The following RFTN2 variants were observed in gnomAD, a reference collection of about 807,000 sequenced individuals.
RFTN2 encodes the protein raftlin-2.
A neutral mutation model predicts 52.7 loss-of-function variants in RFTN2; 34 were observed. The observed-to-expected ratio is 0.64, with a 90% CI of 0.49 to 0.86. The LOEUF (loss-of-function observed/expected upper bound fraction) is 0.86, where lower values mean the gene tolerates loss of function less well. Ranked by LOEUF, RFTN2 falls within the 40% of genes least tolerant of loss-of-function variation. The pLI is 0.00. For synonymous variants in RFTN2, 203 were observed against 217.7 expected (o/e 0.93, Z 0.59); for missense variants, 536 against 600.1 (o/e 0.89, Z 1.12).
intron 1 of RFTN2, among the ~76,000 whole-genome samples, chr2:197,674,132 AAAATTAAG>A (rs1337286214): frequency 6.6e-6 from 1 of 152,160 alleles, no homozygotes; most frequent in African/African-American, 2.4e-5. Flanking sequence ...AATTTAAAAG[AAAATTAAG>A]AAATTAAGAA....
chr2:197,579,856 A>G lies in RFTN2; in HGVS notation c.1234-7576T>C, dbSNP rs1180661536. On this transcript the variant is annotated intron_variant, in intron 8 of 8. Transcript: ENST00000295049. ...TCCCCAACCCTATAATCCTTCTATC[A>G]CTGCCCCTCCTCACACCTGGTCTGG... 2.6e-5 allele frequency among the ~76,000 whole-genome samples: 4 copies of G among 151,794 alleles called. No homozygotes were observed. In the South Asian group the frequency reaches 8.3e-4, roughly 32 times the overall value.
At chr2:197,614,480 G>A (rs1019949421) in intron 7 of RFTN2, among the ~76,000 whole-genome samples, 10 of 152,154 alleles carry the variant, frequency 6.6e-5, no homozygotes, top group Non-Finnish European at 1.5e-4. Flanking sequence ...CTTCCTGGAC[G>A]CTGGACAAGG....
intron 1 of RFTN2, among the ~76,000 whole-genome samples, chr2:197,668,192 G>T (rs1325020321): frequency 2.0e-5 from 3 of 152,116 alleles, no homozygotes; most frequent in African/African-American, 7.2e-5. Context: ...GGTAGCAATG[G>T]TGGTGAACTT....
intron 8 of RFTN2, among the ~76,000 whole-genome samples, chr2:197,578,168 A>G (rs1022213420): frequency 1.3e-5 from 2 of 152,176 alleles, no homozygotes; most frequent in Admixed American, 1.3e-4. Flanking sequence ...TCCTCTTTAT[A>G]TATCAGCTAA....
rs1419399820 is a variant in RFTN2 at position 197,618,739 on chromosome 2, C to T, written c.929-818G>A. Among the ~76,000 whole-genome samples the T allele has an allele frequency of 5.5e-4, 83 of 151,232 alleles. 1 individual carries two copies. The highest frequency in any genetic ancestry group is 1.8e-3 in the Admixed American group (28 of 15,216). The stretch of plus-strand genomic sequence containing the variant: ...TGTGGGGAGCACCTCTGCCCTGCCG[C>T]CCCGTCCGGGATGTGAGGAGCGTCT... On this transcript the variant is annotated intron_variant, in intron 5 of 8. Transcript: ENST00000295049.
chr2:197,609,759 T>C (rs2088025676), intron 7 of RFTN2, among the ~76,000 whole-genome samples: 1 of 152,240 alleles, frequency 6.6e-6, no homozygotes, highest in Non-Finnish European at 1.5e-5. Flanking sequence ...AGGTGTTACA[T>C]GTAAGTCTTT....
intron 8 of RFTN2, among the ~76,000 whole-genome samples, chr2:197,587,056 A>G (rs1257416930): frequency 6.6e-6 from 1 of 152,108 alleles, no homozygotes; most frequent in Non-Finnish European, 1.5e-5. Context: ...TTCTCCTCTT[A>G]TTCAGACCTT....
At chr2:197,672,910 A>G (rs2089166582) in intron 1 of RFTN2, among the ~76,000 whole-genome samples, 2 of 152,146 alleles carry the variant, frequency 1.3e-5, no homozygotes, top group Non-Finnish European at 2.9e-5. Context: ...GGGAGGTGTA[A>G]GTTGTTTTGT....
Position 197,568,999 on chromosome 2 carries a change from G to A in RFTN2, c.*3009C>T, listed in dbSNP as rs1340323831. 1 of 152,200 alleles carries A rather than the reference G, an allele frequency of 6.6e-6. No homozygotes were observed. Among genetic ancestry groups the A allele is most frequent in the African/African-American group, 2.4e-5 (1 of 41,444 alleles). The allele number at this position is 152,200 out of a possible 1,614,324, so 9.4% of individuals were successfully genotyped here. A position where few individuals can be genotyped will look rare whatever the true frequency, so the allele number is the denominator to read the frequency against. On this transcript the variant is annotated 3_prime_UTR_variant, in exon 9 of 9. Coordinates refer to ENST00000295049, the MANE Select transcript of RFTN2 (RefSeq NM_144629.3). ...AAAGCCCTAGAATCTCTCAAAGAGGGTGACCTTTCCTTTTCTCTTTTACTG... is the reference window on the plus strand; with the variant it reads ...AAAGCCCTAGAATCTCTCAAAGAGGATGACCTTTCCTTTTCTCTTTTACTG...
At chr2:197,609,086 A>G (rs1038004935) in intron 7 of RFTN2, among the ~76,000 whole-genome samples, 1 of 152,324 alleles carries the variant, frequency 6.6e-6, no homozygotes, top group East Asian at 1.9e-4. Flanking sequence ...GAGTGCCACA[A>G]TAAACATATG....
At chr2:197,592,892 C>G (rs2087740182) in intron 8 of RFTN2, among the ~76,000 whole-genome samples, 1 of 152,152 alleles carries the variant, frequency 6.6e-6, no homozygotes, top group South Asian at 2.1e-4. Flanking sequence ...TACTACCATT[C>G]TGAGATAGAG....
chr2:197,640,298 G>T (rs1197880273), intron 3 of RFTN2, among the ~76,000 whole-genome samples: 38 of 151,192 alleles, frequency 2.5e-4, no homozygotes, highest in Non-Finnish European at 4.4e-4. Flanking sequence ...GTTTACCTAA[G>T]GAAGCCTGGG....
intron 7 of RFTN2, among the ~76,000 whole-genome samples, chr2:197,602,564 G>A (rs1411781573): frequency 6.6e-6 from 1 of 150,892 alleles, no homozygotes; most frequent in Admixed American, 6.6e-5. Context: ...TGGTGAGATG[G>A]AGTCCTGCTC....
rs535830905 is a variant in RFTN2 at position 197,584,077 on chromosome 2, C to T, written c.1234-11797G>A. ...ATCTTTGCTATTGTGAATAGTGCCG[C>T]GATAAACATACATGTGCATGTGTCT... On this transcript the variant is annotated intron_variant, in intron 8 of 8. Coordinates refer to ENST00000295049, the MANE Select transcript of RFTN2 (RefSeq NM_144629.3). 8.5e-5 allele frequency among the ~76,000 whole-genome samples: 13 copies of T among 152,254 alleles called. No individual in the cohort carries two copies. The South Asian group carries it at 1.5e-3, about 17-fold the overall frequency.
At chr2:197,638,918 C>G (rs1368021515) in intron 3 of RFTN2, among the ~76,000 whole-genome samples, 109 of 151,338 alleles carry the variant, frequency 7.2e-4, no homozygotes, top group Non-Finnish European at 1.8e-4. Context: ...TTCAGGAGCT[C>G]TTTTTGGGCA....
At chr2:197,588,104 C>G (rs184413838) in intron 8 of RFTN2, 1 of 432,348 alleles carries the variant, frequency 2.3e-6, no homozygotes, top group Non-Finnish European at 4.7e-6. Context: ...AAATAACACA[C>G]ATTTAATATA....
At chr2:197,658,326 AATGGCGCC>A (rs1262677565) in intron 1 of RFTN2, among the ~76,000 whole-genome samples, 1 of 152,078 alleles carries the variant, frequency 6.6e-6, no homozygotes, top group Non-Finnish European at 1.5e-5. Context: ...GTTGGACTGC[AATGGCGCC>A]ATCTTGACTC....
intron 5 of RFTN2, among the ~76,000 whole-genome samples, chr2:197,625,687 T>C (rs2088344002): frequency 7.7e-6 from 1 of 129,416 alleles, no homozygotes; most frequent in African/African-American, 2.9e-5. Flanking sequence ...TCCTCTCCTC[T>C]CCTCTCCTCT....
In RFTN2 at chr2:197,571,899, G is replaced by T; in HGVS notation, c.*109C>A. 1 of 1,202,218 alleles carries T rather than the reference G, an allele frequency of 8.3e-7. No homozygotes were observed. The highest frequency in any genetic ancestry group is 1.2e-6 in the Non-Finnish European group (1 of 852,736). The allele number at this position is 1,202,218 out of a possible 1,614,324, so 74.5% of individuals were successfully genotyped here. On this transcript the variant is annotated 3_prime_UTR_variant, in exon 9 of 9. Transcript: ENST00000295049. ...ATAGATTAGAGGAAAGGCTGGGTCT[G>T]GAAAAATTCAAAAATATTACATAAA... is the stretch of plus-strand genomic sequence containing the variant.
Sources: allele counts gnomAD v4.1 joint callset (sites outside exome capture counted in the v4.1 genomes callset), GRCh38; gene constraint gnomAD v4.1.1; transcripts MANE v1.5; gene names NCBI Gene and HGNC (gene_info 2026-07-23, HGNC 2026-07-21).